LTV1: variants seen among roughly 807,000 people sequenced by gnomAD.
The protein encoded by LTV1 is LTV1 ribosome biogenesis factor.
In LTV1, 39 loss-of-function variants were observed where a neutral mutation model predicts 59.9. That is an observed-to-expected ratio of 0.65 (90% CI 0.50 to 0.85). The LOEUF is 0.85. Ranked by LOEUF, LTV1 falls within the 40% of genes least tolerant of loss-of-function variation. The pLI is 0.00. For missense variants in LTV1, 493 were observed against 549.1 expected (o/e 0.90, Z 1.02); for synonymous variants, 171 against 189.5 (o/e 0.90, Z 0.80).
At chr6:143,849,480 A>G (rs919890606) in intron 3 of LTV1, among the ~76,000 whole-genome samples, 1 of 152,192 alleles carries the variant, frequency 6.6e-6, no homozygotes, top group Non-Finnish European at 1.5e-5. Flanking sequence ...AAACTTTCCT[A>G]GTTTTTGTTC....
rs371260218 is a variant in LTV1, at chr6:143,863,337, A to C, written c.1317+51A>C. 8.9e-5 allele frequency: 143 copies of C among 1,598,092 alleles called. No homozygotes were observed. In the African/African-American group the frequency reaches 1.9e-3, roughly 21 times the overall value. On this transcript the variant is annotated intron_variant, in intron 10 of 10. Transcript: ENST00000367576. The surrounding 1 kb of genome is among the most constrained non-coding windows in gnomAD (Gnocchi z 4.5). The stretch of plus-strand genomic sequence containing the variant: ...ATTTACAAAGAGCTGGTGGAGGGGA[A>C]ATTAGGGGAATTTTGTAAAAGCAGT...
chr6:143,862,623 A>G lies in LTV1; in HGVS notation c.1064-221A>G, dbSNP rs1423193156. Among the ~76,000 whole-genome samples the G allele has an allele frequency of 6.6e-6, 1 of 152,188 alleles. No homozygotes were observed. The highest frequency in any genetic ancestry group is 1.5e-5 in the Non-Finnish European group (1 of 68,036). The stretch of plus-strand genomic sequence containing the variant: ...ATATCAACTTTGAAAAAATACATAT[A>G]TTTTAATAAGAGTTAGGCTTTTAGG... On this transcript the variant is annotated intron_variant, in intron 8 of 10. Coordinates refer to ENST00000367576, the MANE Select transcript of LTV1 (RefSeq NM_032860.5). This position sits in a 1 kb window ranked among gnomAD's most constrained non-coding sequence, Gnocchi z 4.2.
At chr6:143,847,153 A>G (rs886226443) in intron 3 of LTV1, among the ~76,000 whole-genome samples, 1 of 152,176 alleles carries the variant, frequency 6.6e-6, no homozygotes, top group African/African-American at 2.4e-5. Flanking sequence ...CCCAAATCCC[A>G]CCACATCTCT....
rs550050564 is a variant in LTV1, at chr6:143,847,293, C to G, written c.309+1069C>G. On this transcript the variant is annotated intron_variant, in intron 3 of 10. Coordinates refer to ENST00000367576, the MANE Select transcript of LTV1 (RefSeq NM_032860.5). ...TTCCTTAGTGGCTCAACTTGTTTAT[C>G]TAAGGGAGAAAATTCTTAGTAAAGT... is the stretch of plus-strand genomic sequence containing the variant. 5.9e-5 allele frequency among the ~76,000 whole-genome samples: 9 copies of G among 152,320 alleles called. No homozygotes were observed. In the South Asian group the frequency reaches 1.9e-3, roughly 32 times the overall value.
chr6:143,859,407 A>G (rs2128492043), intron 6 of LTV1, among the ~76,000 whole-genome samples: 1 of 152,342 alleles, frequency 6.6e-6, no homozygotes, highest in East Asian at 1.9e-4. Context: ...TCAGATTAGA[A>G]TGTGAATTCC....
In LTV1 at chr6:143,863,489, C is replaced by CTGAACTTGA; in HGVS notation, c.1391_1399dup (p.Leu466_Lys467insMetAsnLeu). On this transcript the variant is annotated inframe_insertion, in exon 11 of 11. Transcript: ENST00000367576. The surrounding 1 kb of genome is among the most constrained non-coding windows in gnomAD (Gnocchi z 4.5). Reference sequence around the variant, plus strand: ...GAAAAGAAGGCAAGAAAAAGAGCTGCTGAACTTGAAGAAGAATGTTGAGGG... The same window carrying CTGAACTTGA: ...GAAAAGAAGGCAAGAAAAAGAGCTGCTGAACTTGATGAACTTGAAGAAGAATGTTGAGGG... 6.2e-7 allele frequency: 1 copy of CTGAACTTGA among 1,613,730 alleles called. No homozygotes were observed. The highest frequency in any genetic ancestry group is 8.5e-7 in the Non-Finnish European group (1 of 1,179,850).
chr6:143,857,210 G>T lies in LTV1; in HGVS notation c.398-93G>T. On this transcript the variant is annotated intron_variant, in intron 4 of 10. Transcript: ENST00000367576. This position sits in a 1 kb window ranked among gnomAD's most constrained non-coding sequence, Gnocchi z 5.2. The stretch of plus-strand genomic sequence containing the variant: ...TTCTTTTATCCTCAATATATTAATA[G>T]ACTCTTGCTATCATAGGTCCTTATA... The T allele has an allele frequency of 7.1e-7, 1 of 1,401,570 alleles. No individual in the cohort carries two copies. The allele number at this position is 1,401,570 out of a possible 1,614,324, so 86.8% of individuals were successfully genotyped here.
chr6:143,848,992 C>T (rs189971060), intron 3 of LTV1, among the ~76,000 whole-genome samples: 1 of 152,316 alleles, frequency 6.6e-6, no homozygotes, highest in African/African-American at 2.4e-5. Context: ...AATTTGGATA[C>T]ACAGAGTAGG....
intron 4 of LTV1, among the ~76,000 whole-genome samples, chr6:143,853,754 T>C (rs1039856266): frequency 4.6e-5 from 7 of 152,226 alleles, no homozygotes; most frequent in African/African-American, 1.7e-4. Flanking sequence ...TGGTTCTGTT[T>C]ATGTAATGGA....
intron 3 of LTV1, 100 bp from the exon 4 acceptor site, chr6:143,850,031 G>A (rs1289888850): frequency 5.9e-6 from 5 of 840,950 alleles, no homozygotes; most frequent in African/African-American, 5.1e-5. Context: ...GTCAGTCTAA[G>A]GTTCTGGATG....
At position 143,858,080 on chromosome 6, in the gene LTV1, T is replaced by C. The variant is rs542625900; in HGVS notation, c.795+73T>C. 7.4e-4 allele frequency: 1,062 copies of C among 1,437,510 alleles called. 1 individual carries two copies. The highest frequency in any genetic ancestry group is 1.3e-3 in the Admixed American group (66 of 51,554). The allele number at this position is 1,437,510 out of a possible 1,614,324, so 89.0% of individuals were successfully genotyped here. ...TTTTTTTTTTAATACCTGTCAGCTT[T>C]AGCCCAGGTTGAAGTGCTCACCAAC... On this transcript the variant is annotated intron_variant, in intron 6 of 10. Coordinates refer to ENST00000367576, the MANE Select transcript of LTV1 (RefSeq NM_032860.5).
At chr6:143,861,936 G>A (rs113294794) in intron 7 of LTV1, among the ~76,000 whole-genome samples, 168 bp from the exon 8 acceptor site, 17 of 152,298 alleles carry the variant, frequency 1.1e-4, no homozygotes, top group African/African-American at 3.9e-4. Context: ...GGAAGAGGCA[G>A]GGCTGGGTAG....
chr6:143,860,865 A>C (rs537196201), intron 7 of LTV1, among the ~76,000 whole-genome samples: 1 of 152,192 alleles, frequency 6.6e-6, no homozygotes, highest in East Asian at 1.9e-4. Flanking sequence ...TGACTGGAGA[A>C]GAGTCATGGT....
In LTV1 at chr6:143,862,036, G is replaced by A; in HGVS notation, c.924-68G>A. 1.3e-6 allele frequency: 2 copies of A among 1,497,410 alleles called. No homozygotes were observed. Among genetic ancestry groups the A allele is most frequent in the South Asian group, 1.3e-5 (1 of 78,462 alleles). The allele number at this position is 1,497,410 out of a possible 1,614,324, so 92.8% of individuals were successfully genotyped here. A position where few individuals can be genotyped will look rare whatever the true frequency, so the allele number is the denominator to read the frequency against. ...TCCACAGCTAAAAATTGCAGTTTTA[G>A]TGACATAGTATAATAATAGGTCATT... is the stretch of plus-strand genomic sequence containing the variant. On this transcript the variant is annotated intron_variant, in intron 7 of 10. Transcript: ENST00000367576. The surrounding 1 kb of genome is among the most constrained non-coding windows in gnomAD (Gnocchi z 4.2).
chr6:143,857,713 T>C lies in LTV1; in HGVS notation c.540-39T>C. The C allele has an allele frequency of 6.2e-7, 1 of 1,608,740 alleles. No individual in the cohort carries two copies. Among genetic ancestry groups the C allele is most frequent in the Non-Finnish European group, 8.5e-7 (1 of 1,175,900 alleles). On this transcript the variant is annotated intron_variant, in intron 5 of 10. Transcript: ENST00000367576. This position sits in a 1 kb window ranked among gnomAD's most constrained non-coding sequence, Gnocchi z 5.2. ...AAAGTGGTTTTGTTCTGTTACTTTTTAAGTTGTTTTGGTAGGTAATTTATG... is the reference window on the plus strand; with the variant it reads ...AAAGTGGTTTTGTTCTGTTACTTTTCAAGTTGTTTTGGTAGGTAATTTATG...
intron 2 of LTV1, among the ~76,000 whole-genome samples, chr6:143,845,032 A>G (rs1258997828): frequency 2.0e-5 from 3 of 152,136 alleles, no homozygotes; most frequent in South Asian, 4.1e-4. Flanking sequence ...GCATGATGTT[A>G]TTTAGGGCAC....
Position 143,862,964 on chromosome 6 carries a change from C to T in LTV1, c.1116+68C>T. On this transcript the variant is annotated intron_variant, in intron 9 of 10. Transcript: ENST00000367576. The surrounding 1 kb of genome is among the most constrained non-coding windows in gnomAD (Gnocchi z 4.2). The stretch of plus-strand genomic sequence containing the variant: ...AAAAAATAGAGTGCACATTTTCGCA[C>T]AATAACTTTTTATCTTTATGGCTAG... 1 of 1,463,882 alleles carries T rather than the reference C, an allele frequency of 6.8e-7. No homozygotes were observed. Among genetic ancestry groups the T allele is most frequent in the Non-Finnish European group, 9.6e-7 (1 of 1,044,628 alleles). The allele number at this position is 1,463,882 out of a possible 1,614,324, so 90.7% of individuals were successfully genotyped here. A position where few individuals can be genotyped will look rare whatever the true frequency, so the allele number is the denominator to read the frequency against.
chr6:143,844,870 TAATC>T (rs1003598562), intron 2 of LTV1, among the ~76,000 whole-genome samples: 4 of 152,218 alleles, frequency 2.6e-5, no homozygotes, highest in African/African-American at 7.2e-5. Context: ...TTCTGGGAAA[TAATC>T]TATAAGTTAA....
intron 3 of LTV1, among the ~76,000 whole-genome samples, chr6:143,847,641 G>A (rs746660937): frequency 2.5e-4 from 38 of 152,340 alleles, no homozygotes; most frequent in African/African-American, 7.7e-4. Context: ...GATTACAGGC[G>A]TGAGCCACCG....
Sources: allele counts gnomAD v4.1 joint callset (sites outside exome capture counted in the v4.1 genomes callset), GRCh38; gene constraint gnomAD v4.1.1; non-coding constraint Gnocchi (gnomAD v3.1); transcripts MANE v1.5; gene names NCBI Gene and HGNC (gene_info 2026-07-23, HGNC 2026-07-21).